The following PCDH17 variants were observed in gnomAD, a reference collection of about 807,000 sequenced individuals.
PCDH17 encodes the protein protocadherin 17, also known as protocadherin-17.
A neutral mutation model predicts 67.7 loss-of-function variants in PCDH17; 21 were observed. The ratio of observed to expected loss-of-function variants is 0.31; its 90% CI spans 0.22 to 0.45. The LOEUF is 0.45. Ranked by LOEUF, PCDH17 falls within the 20% of genes least tolerant of loss-of-function variation. PCDH17 has a pLI of 1.00. For synonymous variants in PCDH17, 701 were observed against 656.7 expected, an observed-to-expected ratio of 1.07 and a Z score of -1.03; for missense variants, 1,471 against 1,564.8, an observed-to-expected ratio of 0.94 and a Z score of 1.01.
chr13:57,696,479 T>TA (rs1482312963), intron 3 of PCDH17, among the ~76,000 whole-genome samples: 1 of 151,392 alleles, frequency 6.6e-6, no homozygotes, highest in Non-Finnish European at 1.5e-5. Flanking sequence ...TAATGTTACT[T>TA]AAAATAGATC....
upstream of PCDH17, among the ~76,000 whole-genome samples, chr13:57,631,348 C>T (rs1954717165): frequency 6.6e-6 from 1 of 152,082 alleles, no homozygotes; most frequent in South Asian, 2.1e-4. Context: ...AGTGTGTGTG[C>T]AAGGACTGGG....
intron 3 of PCDH17, among the ~76,000 whole-genome samples, chr13:57,716,202 G>T (rs1955815380): frequency 1.3e-5 from 2 of 151,908 alleles, no homozygotes; most frequent in Admixed American, 6.6e-5. Flanking sequence ...AATGGTGTCT[G>T]ATGACTTTCC....
chr13:57,701,864 ATTTTAAGTGTATTAAAGT>A (rs1378375883), intron 3 of PCDH17, among the ~76,000 whole-genome samples: 8 of 152,146 alleles, frequency 5.3e-5, no homozygotes, highest in East Asian at 1.9e-4. Context: ...GAGAAGTTTT[ATTTTAAGTGTATTAAAGT>A]TTTTAAGTGT....
intron 1 of PCDH17, among the ~76,000 whole-genome samples, chr13:57,649,865 T>C (rs1955014579): frequency 6.6e-6 from 1 of 152,146 alleles, no homozygotes; most frequent in Admixed American, 6.6e-5. Flanking sequence ...TTATATTAAG[T>C]ATATAGCTTT....
At chr13:57,667,583 A>G (rs1291102271) in intron 3 of PCDH17, among the ~76,000 whole-genome samples, 1 of 151,938 alleles carries the variant, frequency 6.6e-6, no homozygotes, top group Non-Finnish European at 1.5e-5. Context: ...TAAAAAGTGA[A>G]AAGAACTGTA....
At chr13:57,687,942 C>T (rs187763118) in intron 3 of PCDH17, among the ~76,000 whole-genome samples, 15 of 152,016 alleles carry the variant, frequency 9.9e-5, no homozygotes, top group African/African-American at 1.7e-4. Flanking sequence ...GATAGTTGGA[C>T]TCCTGTGAGA....
chr13:57,645,867 T>C (rs1443199007), intron 1 of PCDH17, among the ~76,000 whole-genome samples: 1 of 151,330 alleles, frequency 6.6e-6, no homozygotes, highest in African/African-American at 2.4e-5. Context: ...GCTTTAAGGA[T>C]TACCCAACCT....
At chr13:57,646,215 G>A (rs894439857) in intron 1 of PCDH17, among the ~76,000 whole-genome samples, 8 of 151,382 alleles carry the variant, frequency 5.3e-5, no homozygotes, top group African/African-American at 1.7e-4. Flanking sequence ...ACATATATGT[G>A]GTAATGAAAT....
intron 3 of PCDH17, among the ~76,000 whole-genome samples, chr13:57,703,572 A>G (rs1012166173): frequency 2.0e-5 from 3 of 152,136 alleles, no homozygotes; most frequent in Non-Finnish European, 2.9e-5. Context: ...TGTTCTGTTC[A>G]AAGGCTTCAG....
intron 3 of PCDH17, among the ~76,000 whole-genome samples, chr13:57,715,000 T>C (rs1955805944): frequency 6.6e-6 from 1 of 151,854 alleles, no homozygotes; most frequent in African/African-American, 2.4e-5. Flanking sequence ...AATAACAGTG[T>C]CACTGGTTTC....
At chr13:57,648,678 G>GT (rs1954997803) in intron 1 of PCDH17, among the ~76,000 whole-genome samples, 3 of 151,872 alleles carry the variant, frequency 2.0e-5, no homozygotes, top group South Asian at 2.1e-4. Context: ...AGCTTTTATT[G>GT]TTTTTTTATG....
At position 57,632,685 on chromosome 13, in the gene PCDH17, G is replaced by T. The variant is rs1174801968; in HGVS notation, c.139G>T (p.Gly47Trp). ...NIGRDARLQP[G>W]LPPAERGGGG... ...CGGCAGGGATGCTCGACTGCAGCCTGGGCTTCCGCCTGCAGAGCGCGGCGG... is the reference window on the plus strand; with the variant it reads ...CGGCAGGGATGCTCGACTGCAGCCTTGGCTTCCGCCTGCAGAGCGCGGCGG... Residue 47 changes from glycine to tryptophan, a missense_variant, in exon 1 of 4, where the codon GGG becomes TGG. By Grantham distance (184) the Gly-to-Trp change is radical (BLOSUM62 -2). This residue lies in a region of PCDH17 where 1,163 missense variants were observed against 1,230.0 expected (regional missense o/e 0.95). Transcript: ENST00000377918. 1 of 1,611,554 alleles carries T rather than the reference G, an allele frequency of 6.2e-7. No homozygotes were observed. Among genetic ancestry groups the T allele is most frequent in the Non-Finnish European group, 8.5e-7 (1 of 1,179,916 alleles).
At chr13:57,679,431 C>G (rs981279364) in intron 3 of PCDH17, among the ~76,000 whole-genome samples, 2 of 150,004 alleles carry the variant, frequency 1.3e-5, no homozygotes, top group African/African-American at 4.9e-5. Flanking sequence ...TAAATATTTA[C>G]TTTGGGAAGC....
At chr13:57,668,984 C>G (rs1955289177) in intron 3 of PCDH17, among the ~76,000 whole-genome samples, 1 of 152,000 alleles carries the variant, frequency 6.6e-6, no homozygotes, top group South Asian at 2.1e-4. Flanking sequence ...AATGCTATCT[C>G]TCCCCGCTCC....
At chr13:57,678,524 G>A (rs1353315070) in intron 3 of PCDH17, among the ~76,000 whole-genome samples, 1 of 151,626 alleles carries the variant, frequency 6.6e-6, no homozygotes, top group Non-Finnish European at 1.5e-5. Context: ...AAACAGAGAT[G>A]TGGAAGAAAA....
At chr13:57,700,424 T>C (rs1955651338) in intron 3 of PCDH17, among the ~76,000 whole-genome samples, 1 of 151,772 alleles carries the variant, frequency 6.6e-6, no homozygotes, top group Non-Finnish European at 1.5e-5. Flanking sequence ...CTACAAGCGA[T>C]TCTCCTGCCT....
At chr13:57,724,249 A>G (rs1433033568) in intron 3 of PCDH17, among the ~76,000 whole-genome samples, 3 of 152,162 alleles carry the variant, frequency 2.0e-5, no homozygotes, top group Non-Finnish European at 4.4e-5. Flanking sequence ...AATCCTGATA[A>G]TCTTTTTTGA....
intron 3 of PCDH17, among the ~76,000 whole-genome samples, chr13:57,708,023 G>A (rs1456156402): frequency 6.6e-6 from 1 of 151,978 alleles, no homozygotes; most frequent in Non-Finnish European, 1.5e-5. Flanking sequence ...ATCCAATCAA[G>A]TACACAGCCT....
chr13:57,699,293 C>T (rs1955641084), intron 3 of PCDH17, among the ~76,000 whole-genome samples: 1 of 151,766 alleles, frequency 6.6e-6, no homozygotes, highest in South Asian at 2.1e-4. Flanking sequence ...GTTTTTATAT[C>T]CCCAAATTAA....
Sources: gnomAD v4.1 joint callset for allele counts (sites outside exome capture counted in the v4.1 genomes callset) on GRCh38, gnomAD v4.1.1 for gene constraint, gnomAD v4.1.1 regional missense constraint, MANE v1.5 for transcripts, NCBI Gene and HGNC (gene_info 2026-07-23, HGNC 2026-07-21) for gene names.